LRRC8C: variants seen among roughly 807,000 people sequenced by gnomAD.
LRRC8C encodes leucine rich repeat containing 8 VRAC subunit C.
In LRRC8C, 20 loss-of-function variants were observed where a neutral mutation model predicts 55.3. The ratio of observed to expected loss-of-function variants is 0.36; its 90% CI spans 0.25 to 0.53. LRRC8C has a LOEUF of 0.53. Ranked by LOEUF, LRRC8C falls within the 20% of genes least tolerant of loss-of-function variation. The pLI, the probability that LRRC8C is intolerant of heterozygous loss-of-function variation, is 0.92. For missense variants in LRRC8C, 659 were observed against 951.4 expected (o/e 0.69, Z 4.04); for synonymous variants, 376 against 360.7 (o/e 1.04, Z -0.48).
intron 1 of LRRC8C, among the ~76,000 whole-genome samples, chr1:89,682,134 G>A (rs905244676): frequency 2.6e-5 from 4 of 152,126 alleles, no homozygotes; most frequent in East Asian, 3.9e-4. Context: ...CCGAGATCGC[G>A]CCATTGCACT....
At chr1:89,699,801 A>G (rs749846015) in intron 2 of LRRC8C, among the ~76,000 whole-genome samples, 2 of 152,204 alleles carry the variant, frequency 1.3e-5, no homozygotes, top group Non-Finnish European at 2.9e-5. Flanking sequence ...TTTGCTAAGA[A>G]TGAAAGCATT....
Position 89,718,806 on chromosome 1 carries a change from C to T in LRRC8C, c.*3824C>T, listed in dbSNP as rs997160756. 8.5e-5 allele frequency: 13 copies of T among 152,146 alleles called. No individual in the cohort carries two copies. The highest frequency in any genetic ancestry group is 3.1e-4 in the African/African-American group (13 of 41,440). The allele number at this position is 152,146 out of a possible 1,614,324, so 9.4% of individuals were successfully genotyped here. ...TCAAATTTTATTAAGCTCTTAGTAA[C>T]TCAGGATAGCATTCCATACTAACCT... On this transcript the variant is annotated 3_prime_UTR_variant, in exon 3 of 3. Transcript: ENST00000370454.
intron 1 of LRRC8C, among the ~76,000 whole-genome samples, chr1:89,642,916 G>A (rs1289773551): frequency 6.6e-6 from 1 of 151,316 alleles, no homozygotes; most frequent in Non-Finnish European, 1.5e-5. Context: ...TACTCAGGAG[G>A]CTGAGACATG....
chr1:89,635,220 C>G (rs1426933858), intron 1 of LRRC8C, among the ~76,000 whole-genome samples: 1 of 152,030 alleles, frequency 6.6e-6, no homozygotes, highest in Admixed American at 6.5e-5. Flanking sequence ...CCCAAGTGTT[C>G]AATTTTTACC....
At chr1:89,681,927 C>G (rs969564637) in intron 1 of LRRC8C, among the ~76,000 whole-genome samples, 1 of 152,182 alleles carries the variant, frequency 6.6e-6, no homozygotes, top group South Asian at 2.1e-4. Flanking sequence ...CCTGTAATCC[C>G]AGCACTTTGG....
intron 2 of LRRC8C, among the ~76,000 whole-genome samples, chr1:89,695,625 A>C (rs1209528828): frequency 6.6e-6 from 1 of 152,226 alleles, no homozygotes; most frequent in Non-Finnish European, 1.5e-5. Context: ...TTCTGCAAAA[A>C]TCTTTTGTCT....
At chr1:89,702,886 G>A (rs1332428861) in intron 2 of LRRC8C, among the ~76,000 whole-genome samples, 2 of 152,166 alleles carry the variant, frequency 1.3e-5, no homozygotes, top group East Asian at 3.9e-4. Flanking sequence ...ACTGTACTCA[G>A]TAGCATAAAG....
chr1:89,682,504 C>T (rs1262790127), intron 1 of LRRC8C, among the ~76,000 whole-genome samples: 1 of 152,176 alleles, frequency 6.6e-6, no homozygotes, highest in Non-Finnish European at 1.5e-5. Flanking sequence ...TCATGGAAGC[C>T]TGGCAACCTA....
At chr1:89,637,071 A>G (rs1413795615) in intron 1 of LRRC8C, among the ~76,000 whole-genome samples, 2 of 152,096 alleles carry the variant, frequency 1.3e-5, no homozygotes, top group African/African-American at 4.8e-5. Context: ...AGGCTTCTCG[A>G]CTGGTTTAAC....
intron 2 of LRRC8C, among the ~76,000 whole-genome samples, chr1:89,697,864 A>T (rs1163837935): frequency 1.3e-5 from 2 of 152,200 alleles, no homozygotes. Flanking sequence ...TGTGGATACA[A>T]CCAAGATAGA....
At chr1:89,701,490 A>G (rs1026760365) in intron 2 of LRRC8C, among the ~76,000 whole-genome samples, 21 of 151,928 alleles carry the variant, frequency 1.4e-4, no homozygotes, top group African/African-American at 2.7e-4. Flanking sequence ...CAAAAAAAAA[A>G]AAAGAAAGAA....
chr1:89,630,854 A>G (rs1052763845), upstream of LRRC8C, among the ~76,000 whole-genome samples: 8 of 152,228 alleles, frequency 5.3e-5, no homozygotes, highest in South Asian at 1.4e-3. Context: ...TAAGGTTTAC[A>G]TGCTACAAAA....
In LRRC8C at chr1:89,713,057, G is replaced by C; in HGVS notation, c.487G>C (p.Gly163Arg). The part of the protein sequence containing the change: ...SKIEHFISIL[G>R]KCFDSPWTTR... ...AATAGAACATTTCATCTCCATTCTG[G>C]GGAAGTGTTTTGACTCTCCTTGGAC... Residue 163 changes from glycine to arginine, a missense_variant, in exon 3 of 3, where the codon GGG becomes CGG. Gly to Arg is a moderately radical substitution (Grantham distance 125). Around this residue, in one of 5 missense-constraint regions of LRRC8C, gnomAD observed 200 missense variants for 360.5 expected, o/e 0.55. Transcript: ENST00000370454. This position sits in a 1 kb window ranked among gnomAD's most constrained non-coding sequence, Gnocchi z 5.2. 1 of 1,613,484 alleles carries C rather than the reference G, an allele frequency of 6.2e-7. No individual in the cohort carries two copies. Among genetic ancestry groups the C allele is most frequent in the Non-Finnish European group, 8.5e-7 (1 of 1,180,024 alleles).
rs1658907818 is a variant in LRRC8C at position 89,719,292 on chromosome 1, T to G, written c.*4310T>G. ...TCTCCACCCCCCACCTTATTCTTCC[T>G]CTTTAATGAATATTTTTATTGGAGC... On this transcript the variant is annotated 3_prime_UTR_variant, in exon 3 of 3. Transcript: ENST00000370454. The G allele has an allele frequency of 6.6e-6, 1 of 152,220 alleles. No homozygotes were observed. Among genetic ancestry groups the G allele is most frequent in the African/African-American group, 2.4e-5 (1 of 41,456 alleles). The allele number at this position is 152,220 out of a possible 1,614,324, so 9.4% of individuals were successfully genotyped here. A position where few individuals can be genotyped will look rare whatever the true frequency, so the allele number is the denominator to read the frequency against.
chr1:89,691,081 A>G (rs1279117337), intron 2 of LRRC8C, among the ~76,000 whole-genome samples: 1 of 152,224 alleles, frequency 6.6e-6, no homozygotes, highest in Admixed American at 6.5e-5. Context: ...CCTGTGCATC[A>G]GCAATATATC....
the LRRC8C span, among the ~76,000 whole-genome samples, chr1:89,621,432 A>C: frequency 6.6e-6 from 1 of 152,038 alleles, no homozygotes; most frequent in Non-Finnish European, 1.5e-5. Context: ...TCGCCACTGC[A>C]CTCCAGCCTG....
intron 1 of LRRC8C, among the ~76,000 whole-genome samples, chr1:89,667,406 TGGC>T (rs775697292): frequency 7.2e-5 from 11 of 152,154 alleles, no homozygotes; most frequent in Non-Finnish European, 1.5e-4. Flanking sequence ...CTTTATAAAA[TGGC>T]AACTCCATTA....
At chr1:89,633,521 C>T (rs918689776) in intron 1 of LRRC8C, among the ~76,000 whole-genome samples, 199 bp downstream of exon 1, 7 of 152,214 alleles carry the variant, frequency 4.6e-5, no homozygotes, top group Admixed American at 4.6e-4. Context: ...GCTCAGGAGC[C>T]CGCCAACCCC....
chr1:89,704,011 A>G (rs1557667124), intron 2 of LRRC8C, among the ~76,000 whole-genome samples: 1 of 152,114 alleles, frequency 6.6e-6, no homozygotes, highest in East Asian at 1.9e-4. Context: ...CAAATACCCA[A>G]AAAAGCTGGT....
Sources: gnomAD v4.1 joint callset for allele counts (sites outside exome capture counted in the v4.1 genomes callset) on GRCh38, gnomAD v4.1.1 for gene constraint, gnomAD v4.1.1 regional missense constraint, Gnocchi (gnomAD v3.1) non-coding constraint, MANE v1.5 for transcripts, NCBI Gene and HGNC (gene_info 2026-07-23, HGNC 2026-07-21) for gene names.